Variants in ATIC observed in about 807,000 individuals in gnomAD.
ATIC encodes bifunctional purine biosynthesis protein ATIC.
ATIC carries 64 observed loss-of-function variants against 72.5 expected under a neutral mutation model. That is an observed-to-expected ratio of 0.88 (90% CI 0.72 to 1.09). ATIC has a LOEUF of 1.09. ATIC is among the 50% of genes least tolerant of loss of function. The pLI is 0.00. For synonymous variants in ATIC, 281 were observed against 267.1 expected, an observed-to-expected ratio of 1.05 and a Z score of -0.51; for missense variants, 787 against 732.4, an observed-to-expected ratio of 1.07 and a Z score of -0.86.
Position 215,326,835 on chromosome 2 carries a change from C to T in ATIC, c.545C>T (p.Thr182Met), listed in dbSNP as rs751418575. The change falls in exon 7 of 16, where the codon ACG (threonine) becomes ATG (methionine). Residue 182 changes from threonine to methionine, a missense_variant. By Grantham distance (81) the Thr-to-Met change is moderately conservative. Transcript: ENST00000236959. Reference sequence around the variant, plus strand: ...CGCTTTTTGTAGGCATTCACTCATACGGCACAATATGATGAAGCAATTTCA... The same window carrying T: ...CGCTTTTTGTAGGCATTCACTCATATGGCACAATATGATGAAGCAATTTCA... ...RQLALKAFTHTAQYDEAISDY... is the reference protein window; with the variant it reads ...RQLALKAFTHMAQYDEAISDY... 51 of 1,613,824 alleles carry T rather than the reference C, an allele frequency of 3.2e-5. No homozygotes were observed. The Middle Eastern group carries it at 1.2e-3, about 37-fold the overall frequency.
chr2:215,357,687 G>T, the ATIC span, among the ~76,000 whole-genome samples: 2 of 147,904 alleles, frequency 1.4e-5, no homozygotes, highest in Non-Finnish European at 3.0e-5. Flanking sequence ...TTTTAATGAG[G>T]ATATGGAGTG....
At chr2:215,367,800 T>C in the ATIC span, 1 of 1,520,730 alleles carries the variant, frequency 6.6e-7, no homozygotes, top group Non-Finnish European at 9.1e-7. Context: ...CCTTGGCACA[T>C]GAGTGCATGC....
chr2:215,332,639 G>A (rs2106018530), intron 8 of ATIC, 132 bp downstream of exon 8: 2 of 1,149,918 alleles, frequency 1.7e-6, no homozygotes. Flanking sequence ...GTTGATAACA[G>A]TATCAATGTA....
chr2:215,312,451 C>T (rs1015861928), intron 1 of ATIC, 47 bp from the exon 2 acceptor site: 33 of 1,614,008 alleles, frequency 2.0e-5, no homozygotes, highest in Non-Finnish European at 2.7e-5. Context: ...TTGCAGAACA[C>T]AGTGCAATGT....
rs2052833834 is a variant in ATIC at position 215,326,888 on chromosome 2, G to A, written c.598G>A (p.Gly200Ser). ...TTATTTCAGGAAACAGTACAGCAAA[G>A]GCGTATCTCAGATGCCCTTGAGATA... ...SDYFRKQYSK[G>S]VSQMPLRYGM... The change falls in exon 7 of 16, where the codon GGC becomes AGC. Residue 200 changes from glycine to serine, a missense_variant. Physicochemically the swap from Gly to Ser is moderately conservative, Grantham distance 56 (BLOSUM62 0). Coordinates refer to ENST00000236959, the MANE Select transcript of ATIC (RefSeq NM_004044.7). 3.1e-6 allele frequency: 5 copies of A among 1,614,170 alleles called. No individual in the cohort carries two copies. The highest frequency in any genetic ancestry group is 4.2e-6 in the Non-Finnish European group (5 of 1,180,024).
chr2:215,320,901 C>G (rs926672942), intron 4 of ATIC, among the ~76,000 whole-genome samples: 12 of 152,104 alleles, frequency 7.9e-5, no homozygotes, highest in Admixed American at 7.9e-4. Context: ...GTTAAACAAC[C>G]AGCTCTACAT....
At chr2:215,357,857 T>G in the ATIC span, among the ~76,000 whole-genome samples, 937 of 152,204 alleles carry the variant, frequency 6.2e-3, 8 homozygotes, top group African/African-American at 0.021. Context: ...TCTTTTTTTT[T>G]TTTTCTTAAG....
intron 9 of ATIC, among the ~76,000 whole-genome samples, chr2:215,333,769 G>A (rs1387998844): frequency 6.6e-6 from 1 of 152,088 alleles, no homozygotes; most frequent in Admixed American, 6.5e-5. Flanking sequence ...TAGGCCGGGC[G>A]CAATGTCTCA....
At chr2:215,327,649 G>A (rs1378411996) in intron 7 of ATIC, among the ~76,000 whole-genome samples, 1 of 152,144 alleles carries the variant, frequency 6.6e-6, no homozygotes, top group Admixed American at 6.5e-5. Flanking sequence ...AGAGGTGAGA[G>A]TCCCAGGCAT....
chr2:215,314,349 C>T (rs2052686552), intron 2 of ATIC, among the ~76,000 whole-genome samples: 1 of 152,172 alleles, frequency 6.6e-6, no homozygotes, highest in East Asian at 1.9e-4. Flanking sequence ...TATTCAGTTG[C>T]AGTGGTATTT....
intron 10 of ATIC, among the ~76,000 whole-genome samples, chr2:215,335,324 T>C (rs547097684): frequency 2.6e-5 from 4 of 152,330 alleles, no homozygotes; most frequent in African/African-American, 9.6e-5. Flanking sequence ...GGTGATGCGA[T>C]ATAATCCATC....
At chr2:215,355,867 T>C in the ATIC span, among the ~76,000 whole-genome samples, 1 of 152,234 alleles carries the variant, frequency 6.6e-6, no homozygotes, top group African/African-American at 2.4e-5. Flanking sequence ...ATCAGTACCT[T>C]GTTTTGCCAG....
At chr2:215,350,134 A>G (rs10932610), downstream of ATIC, among the ~76,000 whole-genome samples, 130,607 of 151,956 alleles carry the variant, frequency 0.86, 56,944 homozygotes, top group East Asian at 1. Context: ...TCATTTTTTT[A>G]ATTTGTTATT....
intron 7 of ATIC, among the ~76,000 whole-genome samples, chr2:215,332,131 C>T (rs2052901141): frequency 1.4e-5 from 2 of 142,146 alleles, no homozygotes; most frequent in African/African-American, 5.3e-5. Flanking sequence ...GTCCTCCAGT[C>T]GTGTGTGTGT....
intron 7 of ATIC, among the ~76,000 whole-genome samples, chr2:215,331,584 A>G (rs574721607): frequency 6.6e-6 from 1 of 152,094 alleles, no homozygotes; most frequent in African/African-American, 2.4e-5. Flanking sequence ...GGGTTTCACC[A>G]TGTTGACCAG....
chr2:215,331,408 G>A (rs897057552), intron 7 of ATIC, among the ~76,000 whole-genome samples: 2 of 141,818 alleles, frequency 1.4e-5, no homozygotes, highest in African/African-American at 5.2e-5. Context: ...TTGAGACGGA[G>A]TCTCGCTCTT....
chr2:215,337,951 A>G (rs998417307), intron 11 of ATIC, among the ~76,000 whole-genome samples: 23 of 152,244 alleles, frequency 1.5e-4, no homozygotes, highest in African/African-American at 5.3e-4. Flanking sequence ...TTCTCCTAGC[A>G]TCAGTTAATA....
chr2:215,358,982 A>G, the ATIC span, among the ~76,000 whole-genome samples: 1 of 152,188 alleles, frequency 6.6e-6, no homozygotes, highest in Admixed American at 6.5e-5. Context: ...TCCTGGGTTC[A>G]AACGATTCTC....
At chr2:215,337,826 G>A (rs78131353) in intron 11 of ATIC, among the ~76,000 whole-genome samples, 2,254 of 152,190 alleles carry the variant, frequency 0.015, 51 homozygotes, top group African/African-American at 0.051. Flanking sequence ...AGTGTCAAAG[G>A]AATATCAGGA....
Sources: gnomAD v4.1 joint callset for allele counts (sites outside exome capture counted in the v4.1 genomes callset) on GRCh38, gnomAD v4.1.1 for gene constraint, MANE v1.5 for transcripts, NCBI Gene and HGNC (gene_info 2026-07-23, HGNC 2026-07-21) for gene names.